Variants in SLC6A5 observed in about 807,000 individuals in gnomAD.
SLC6A5 encodes solute carrier family 6 member 5.
In SLC6A5, 58 loss-of-function variants were observed where a neutral mutation model predicts 90.5. The observed-to-expected ratio is 0.64, with a 90% confidence interval of 0.52 to 0.80. The LOEUF is 0.80. SLC6A5 is among the 30% of genes least tolerant of loss of function. The pLI is 0.00. For synonymous variants in SLC6A5, 427 were observed against 401.4 expected, an observed-to-expected ratio of 1.06 and a Z score of -0.76; for missense variants, 1,015 against 1,017.6, an observed-to-expected ratio of 1.00 and a Z score of 0.03.
In SLC6A5 at chr11:20,641,273, T is replaced by C. The variant is rs186888303; in HGVS notation, c.1969+2715T>C. 3.0e-3 allele frequency among the ~76,000 whole-genome samples: 451 copies of C among 152,286 alleles called. 3 individuals carry two copies. Among genetic ancestry groups the C allele is most frequent in the African/African-American group, 0.011 (437 of 41,572 alleles). ...TCCTGCTTGCTAACTGCCTGGCTCT[T>C]CATTGTGTATTTCCCCAACCTCAAC... is the stretch of plus-strand genomic sequence containing the variant. On this transcript the variant is annotated intron_variant, in intron 13 of 15. Coordinates refer to ENST00000525748, the MANE Select transcript of SLC6A5 (RefSeq NM_004211.5).
At chr11:20,632,405 A>G (rs1853125462) in intron 10 of SLC6A5, among the ~76,000 whole-genome samples, 1 of 152,172 alleles carries the variant, frequency 6.6e-6, no homozygotes, top group South Asian at 2.1e-4. Flanking sequence ...CAAAAACTCA[A>G]ACAGAATGTT....
At position 20,655,602 on chromosome 11, in the gene SLC6A5, C is replaced by T. The variant is rs1260671829; in HGVS notation, c.*734C>T. ...TTGTGAGTTCTTTTGGTCATTTCCT[C>T]CACCTCTGCCCAAGAAGCCATCATA... On this transcript the variant is annotated 3_prime_UTR_variant, in exon 16 of 16. Coordinates refer to ENST00000525748, the MANE Select transcript of SLC6A5 (RefSeq NM_004211.5). The T allele has an allele frequency of 6.5e-6, 1 of 152,764 alleles. No homozygotes were observed. Among genetic ancestry groups the T allele is most frequent in the Non-Finnish European group, 1.5e-5 (1 of 68,458 alleles). 9.5% of individuals were successfully genotyped at this position (152,764 alleles called of 1,614,324 possible). A position where few individuals can be genotyped will look rare whatever the true frequency, so the allele number is the denominator to read the frequency against.
chr11:20,651,033 T>C (rs1349304919), intron 14 of SLC6A5, among the ~76,000 whole-genome samples: 2 of 152,004 alleles, frequency 1.3e-5, no homozygotes, highest in East Asian at 1.9e-4. Flanking sequence ...CATAGCTTAT[T>C]ATAGGACCAA....
chr11:20,641,517 C>T (rs1470521387), intron 13 of SLC6A5, among the ~76,000 whole-genome samples: 1 of 152,032 alleles, frequency 6.6e-6, no homozygotes, highest in Admixed American at 6.5e-5. Flanking sequence ...AACAAAACAA[C>T]AAAAATAAAC....
rs1852998793 is a variant in SLC6A5 at position 20,626,588 on chromosome 11, A to T, written c.1261-120A>T. 3.6e-6 allele frequency: 4 copies of T among 1,115,438 alleles called. No homozygotes were observed. In the African/African-American group the frequency reaches 4.6e-5, roughly 13 times the overall value. 69.1% of individuals were successfully genotyped at this position (1,115,438 alleles called of 1,614,324 possible). On this transcript the variant is annotated intron_variant, in intron 7 of 15. Transcript: ENST00000525748. ...CCCAGCCCTGGCTGCATTTGGGGAC[A>T]ACTACCCTGATGTGCTCTCTGTCAT... is the stretch of plus-strand genomic sequence containing the variant.
intron 5 of SLC6A5, among the ~76,000 whole-genome samples, chr11:20,609,924 C>G (rs995714390): frequency 2.0e-5 from 3 of 152,196 alleles, no homozygotes; most frequent in African/African-American, 7.2e-5. Flanking sequence ...ACTCAACTCT[C>G]CAAGTATCTG....
rs1296472258 is a variant in SLC6A5, at chr11:20,607,458, CTGGAAT to C, written c.812-19_812-14del. 8 of 1,613,898 alleles carry C rather than the reference CTGGAAT, an allele frequency of 5.0e-6. No individual in the cohort carries two copies. The highest frequency in any genetic ancestry group is 6.8e-6 in the Non-Finnish European group (8 of 1,179,910). On this transcript the variant is annotated splice_polypyrimidine_tract_variant and intron_variant, in intron 4 of 15. Transcript: ENST00000525748. ...ATAGCATTTAAGATGGAATGAACCCCTGGAATTTTTGCTTCTGCAGGCTGTGGCATC... is the reference window on the plus strand; with the variant it reads ...ATAGCATTTAAGATGGAATGAACCCCTTTTGCTTCTGCAGGCTGTGGCATC...
chr11:20,627,326 T>G (rs538676260), intron 8 of SLC6A5, among the ~76,000 whole-genome samples: 2 of 152,346 alleles, frequency 1.3e-5, no homozygotes, highest in Admixed American at 1.3e-4. Flanking sequence ...TACAGGCATA[T>G]CTAACTCTAA....
intron 14 of SLC6A5, among the ~76,000 whole-genome samples, chr11:20,649,669 T>A (rs1853485765): frequency 6.6e-6 from 1 of 152,224 alleles, no homozygotes; most frequent in Non-Finnish European, 1.5e-5. Flanking sequence ...TGATCATTTT[T>A]ATATATGCCT....
intron 5 of SLC6A5, among the ~76,000 whole-genome samples, chr11:20,612,890 T>C (rs374637288): frequency 8.5e-5 from 13 of 152,202 alleles, no homozygotes; most frequent in African/African-American, 3.1e-4. Context: ...AATGGAGATA[T>C]TTCATGTAAG....
chr11:20,633,330 G>T (rs1188075873), intron 10 of SLC6A5, among the ~76,000 whole-genome samples: 1 of 152,198 alleles, frequency 6.6e-6, no homozygotes, highest in Non-Finnish European at 1.5e-5. Context: ...TAATAGTTCA[G>T]ATACCTTACT....
chr11:20,652,196 A>G, intron 14 of SLC6A5, 93 bp from the exon 15 acceptor site: 1 of 1,166,176 alleles, frequency 8.6e-7, no homozygotes, highest in Admixed American at 1.7e-5. Flanking sequence ...ATAGAGACGA[A>G]AGCATCAAAC....
At chr11:20,623,673 A>T (rs1590167023) in intron 7 of SLC6A5, among the ~76,000 whole-genome samples, 1 of 150,730 alleles carries the variant, frequency 6.6e-6, no homozygotes, top group Non-Finnish European at 1.5e-5. Context: ...CCCTACTCCC[A>T]CCTTGCCGAT....
chr11:20,637,581 G>T (rs560160957), intron 12 of SLC6A5, among the ~76,000 whole-genome samples: 2 of 152,182 alleles, frequency 1.3e-5, no homozygotes, highest in African/African-American at 4.8e-5. Flanking sequence ...GTGCAGTGGC[G>T]CATGTCTCTA....
At position 20,626,839 on chromosome 11, in the gene SLC6A5, C is replaced by A. The variant is rs952254219; in HGVS notation, c.1392C>A (p.Ala464=). ...ITPKWEKLTD[A]TVWKDAATQI... Reference sequence around the variant, plus strand: ...CCAAGTGGGAGAAACTCACGGATGCCACGGTGGGCTTCTAATTTTATCTAT... The same window carrying A: ...CCAAGTGGGAGAAACTCACGGATGCAACGGTGGGCTTCTAATTTTATCTAT... Residue 464 remains alanine, a synonymous_variant, in exon 8 of 16, where the codon GCC becomes GCA. Transcript: ENST00000525748. 3.1e-6 allele frequency: 5 copies of A among 1,613,660 alleles called. No individual in the cohort carries two copies. The highest frequency in any genetic ancestry group is 3.4e-6 in the Non-Finnish European group (4 of 1,179,658).
intron 5 of SLC6A5, among the ~76,000 whole-genome samples, chr11:20,608,640 T>G (rs1365556060): frequency 6.6e-6 from 1 of 152,194 alleles, no homozygotes; most frequent in East Asian, 1.9e-4. Flanking sequence ...AAAGGGAACC[T>G]AGAAACAAGT....
intron 13 of SLC6A5, among the ~76,000 whole-genome samples, chr11:20,642,011 G>A: frequency 6.6e-6 from 1 of 151,986 alleles, no homozygotes; most frequent in Non-Finnish European, 1.5e-5. Context: ...ATTAAGCTGA[G>A]GGCCCTTCAC....
At chr11:20,650,343 C>G (rs1029672213) in intron 14 of SLC6A5, among the ~76,000 whole-genome samples, 1 of 152,196 alleles carries the variant, frequency 6.6e-6, no homozygotes, top group African/African-American at 2.4e-5. Flanking sequence ...AAATTCCTTT[C>G]TTTCTCTTCA....
rs1479664288 is a variant in SLC6A5 at position 20,607,662 on chromosome 11, G to C, written c.985+10G>C. ...ACCAAACTTTTATTAGGTAAGTTTGGAAATACCTGCTTTAGGTGTGTGTAT... is the reference window on the plus strand; with the variant it reads ...ACCAAACTTTTATTAGGTAAGTTTGCAAATACCTGCTTTAGGTGTGTGTAT... On this transcript the variant is annotated intron_variant, in intron 5 of 15. Transcript: ENST00000525748. 4 of 1,607,926 alleles carry C rather than the reference G, an allele frequency of 2.5e-6. No individual in the cohort carries two copies. In the Admixed American group the frequency reaches 5.0e-5, roughly 20 times the overall value.
Sources: allele counts gnomAD v4.1 joint callset (sites outside exome capture counted in the v4.1 genomes callset), GRCh38; gene constraint gnomAD v4.1.1; transcripts MANE v1.5; gene names NCBI Gene and HGNC (gene_info 2026-07-23, HGNC 2026-07-21).